Variants in COL14A1 observed in about 807,000 individuals in gnomAD.
The protein encoded by COL14A1 is collagen alpha-1(XIV) chain.
Under a neutral mutation model 230.3 loss-of-function variants are expected in COL14A1, and 136 were observed. The ratio of observed to expected loss-of-function variants is 0.59; its 90% CI spans 0.51 to 0.68. The LOEUF (loss-of-function observed/expected upper bound fraction) is 0.68. COL14A1 is among the 30% of genes least tolerant of loss of function. The pLI is 0.00. For synonymous variants in COL14A1, 792 were observed against 784.1 expected, an observed-to-expected ratio of 1.01 and a Z score of -0.17; for missense variants, 1,976 against 2,215.8, an observed-to-expected ratio of 0.89 and a Z score of 2.17.
At chr8:120,280,228 C>A (rs958470847) in intron 29 of COL14A1, 129 bp downstream of exon 29, 1 of 1,092,920 alleles carries the variant, frequency 9.1e-7, no homozygotes, top group Non-Finnish European at 1.3e-6. Context: ...GTTATATAGA[C>A]ATTAAGTTTT....
intron 25 of COL14A1, among the ~76,000 whole-genome samples, chr8:120,269,015 T>A (rs1240447689): frequency 6.6e-6 from 1 of 151,720 alleles, no homozygotes; most frequent in Non-Finnish European, 1.5e-5. Flanking sequence ...CCTAAAGTAT[T>A]AGCTCACTTG....
intron 42 of COL14A1, among the ~76,000 whole-genome samples, chr8:120,337,218 T>C (rs922606103): frequency 6.6e-6 from 1 of 151,908 alleles, no homozygotes; most frequent in Non-Finnish European, 1.5e-5. Context: ...TGGTGAAACC[T>C]GGTCTCTACT....
intron 5 of COL14A1, among the ~76,000 whole-genome samples, chr8:120,186,704 T>C (rs1816663600): frequency 1.3e-5 from 2 of 152,220 alleles, no homozygotes. Flanking sequence ...ACACATTTAA[T>C]TGAGCCATCA....
intron 45 of COL14A1, among the ~76,000 whole-genome samples, chr8:120,353,832 G>A (rs1822866631): frequency 6.6e-6 from 1 of 151,914 alleles, no homozygotes. Flanking sequence ...ATTCGGTGTG[G>A]CGATTCCTCA....
At chr8:120,184,028 T>C (rs1816562370) in intron 5 of COL14A1, among the ~76,000 whole-genome samples, 1 of 152,080 alleles carries the variant, frequency 6.6e-6, no homozygotes, top group Non-Finnish European at 1.5e-5. Context: ...AACCATTCTT[T>C]CTCTATGAAA....
chr8:120,204,000 C>T (rs566587964), intron 9 of COL14A1, 130 bp downstream of exon 9: 278 of 810,026 alleles, frequency 3.4e-4, no homozygotes, highest in Non-Finnish European at 4.8e-4. Flanking sequence ...AAGACCTGAG[C>T]CGTCAGAGTA....
intron 5 of COL14A1, among the ~76,000 whole-genome samples, chr8:120,174,708 T>G (rs1375211147): frequency 6.6e-6 from 1 of 152,092 alleles, no homozygotes; most frequent in Non-Finnish European, 1.5e-5. Flanking sequence ...TTATGGAAAA[T>G]AGGTGTCTTC....
chr8:120,142,455 A>C (rs1350088168), intron 1 of COL14A1, among the ~76,000 whole-genome samples: 1 of 152,154 alleles, frequency 6.6e-6, no homozygotes, highest in Non-Finnish European at 1.5e-5. Context: ...TAGTTCATCA[A>C]CTTTTACTAA....
chr8:120,218,702 A>G (rs761525331), intron 14 of COL14A1, among the ~76,000 whole-genome samples: 13 of 152,200 alleles, frequency 8.5e-5, no homozygotes, highest in Non-Finnish European at 1.9e-4. Context: ...GACTAATGAT[A>G]AGTGACAACG....
In COL14A1 at chr8:120,280,018, G is replaced by T; in HGVS notation, c.3565G>T (p.Val1189Phe). Residue 1189 changes from valine (V) to phenylalanine (F), a missense_variant, in exon 29 of 48, where the codon GTC (valine) becomes TTC (phenylalanine). Around this residue, in one of 3 missense-constraint regions of COL14A1, gnomAD observed 1,791 missense variants for 2,019.5 expected, o/e 0.89. Transcript: ENST00000297848. ...TGGCAGTAAGCCCAGCGCACGCCAT[G>T]TCTTCTTTGTGGATGACTTTGACGC... ...SIGSKPSARH[V>F]FFVDDFDAFK... 1 of 1,613,900 alleles carries T rather than the reference G, an allele frequency of 6.2e-7. No homozygotes were observed. Among genetic ancestry groups the T allele is most frequent in the Non-Finnish European group, 8.5e-7 (1 of 1,179,874 alleles).
chr8:120,200,920 G>A (rs1817229838), intron 8 of COL14A1, among the ~76,000 whole-genome samples: 1 of 151,198 alleles, frequency 6.6e-6, no homozygotes, highest in African/African-American at 2.4e-5. Context: ...TCTCTAAGCA[G>A]TGAGTTCCCA....
chr8:120,271,074 C>T (rs1469552304), intron 26 of COL14A1, among the ~76,000 whole-genome samples: 1 of 151,656 alleles, frequency 6.6e-6, no homozygotes, highest in Non-Finnish European at 1.5e-5. Context: ...TCCTTTGCAG[C>T]AACATGGATG....
chr8:120,149,142 T>G (rs1196145187), intron 2 of COL14A1, among the ~76,000 whole-genome samples: 1 of 152,248 alleles, frequency 6.6e-6, no homozygotes, highest in Non-Finnish European at 1.5e-5. Flanking sequence ...GAAGTGTTGG[T>G]GATGAAATGT....
chr8:120,332,752 A>T lies in COL14A1; in HGVS notation c.4785+17A>T. 6.2e-7 allele frequency: 1 copy of T among 1,601,582 alleles called. No individual in the cohort carries two copies. Among genetic ancestry groups the T allele is most frequent in the African/African-American group, 1.3e-5 (1 of 74,812 alleles). On this transcript the variant is annotated intron_variant, in intron 42 of 47. Transcript: ENST00000297848. ...GGACCACCTGTGAGTATGCAGCGGT[A>T]GCTGCTCAGAATGTAGGCCCAGTCA...
At position 120,289,683 on chromosome 8, in the gene COL14A1, G is replaced by A. The variant is rs148169337; in HGVS notation, c.4153G>A (p.Ala1385Thr). 1.4e-4 allele frequency: 219 copies of A among 1,614,042 alleles called. 2 individuals are homozygous for A. In the African/African-American group the frequency reaches 2.3e-3, roughly 17 times the overall value. ...GCAAGTGGGTGAGAAGGCAATGAAC[G>A]CATCAGCTAATATCACGTCAGATGG... ...CKQVGEKAMN[A>T]SANITSDGVE... The change falls in exon 34 of 48, where the codon GCA (alanine) becomes ACA (threonine). Residue 1385 changes from alanine (A) to threonine (T), a missense_variant. Physicochemically the swap from Ala to Thr is moderately conservative, Grantham distance 58 (BLOSUM62 0). Around this residue, in one of 3 missense-constraint regions of COL14A1, gnomAD observed 1,791 missense variants for 2,019.5 expected, o/e 0.89. Transcript: ENST00000297848.
chr8:120,139,771 A>G (rs1032586110), intron 1 of COL14A1, among the ~76,000 whole-genome samples: 17 of 152,176 alleles, frequency 1.1e-4, no homozygotes, highest in Admixed American at 1.0e-3. Context: ...CATGCCTATA[A>G]TCTTGGCACT....
chr8:120,337,412 A>G (rs565757323), intron 42 of COL14A1, among the ~76,000 whole-genome samples: 115 of 151,452 alleles, frequency 7.6e-4, no homozygotes, highest in East Asian at 6.2e-3. Flanking sequence ...AAAAAAAAAA[A>G]AAAAAAGAAA....
chr8:120,350,033 A>G (rs933651935), intron 45 of COL14A1, among the ~76,000 whole-genome samples: 1 of 143,024 alleles, frequency 7.0e-6, no homozygotes, highest in Admixed American at 7.0e-5. Context: ...CTAACAGCGG[A>G]TCTCTCGGCA....
intron 36 of COL14A1, among the ~76,000 whole-genome samples, chr8:120,307,907 C>T (rs1022871932): frequency 1.8e-4 from 27 of 152,188 alleles, no homozygotes; most frequent in Admixed American, 1.6e-3. Context: ...CTCTTGGTAT[C>T]TTCTTCTGAG....
Sources: allele counts gnomAD v4.1 joint callset (sites outside exome capture counted in the v4.1 genomes callset), GRCh38; gene constraint gnomAD v4.1.1; regional missense constraint gnomAD v4.1.1; transcripts MANE v1.5; gene names NCBI Gene and HGNC (gene_info 2026-07-23, HGNC 2026-07-21).